Variants in LIN9 observed in about 807,000 individuals in gnomAD.
LIN9 encodes lin-9 DREAM MuvB core complex component.
In LIN9, 18 loss-of-function variants were observed where a neutral mutation model predicts 78.0. That is an observed-to-expected ratio of 0.23 (90% CI 0.16 to 0.34). LIN9 has a LOEUF of 0.34. Among genes scored for constraint, LIN9 ranks in the 10% least tolerant of loss-of-function variants. The probability of loss-of-function intolerance (pLI) is 1.00; values close to 1 mark genes in which losing one functional copy is unlikely to be tolerated. For synonymous variants in LIN9, 192 were observed against 215.2 expected (o/e 0.89, Z 0.94); for missense variants, 451 against 644.1 (o/e 0.70, Z 3.25).
chr1:226,274,692 T>C (rs1660524014), intron 7 of LIN9, among the ~76,000 whole-genome samples: 1 of 152,130 alleles, frequency 6.6e-6, no homozygotes, highest in Admixed American at 6.5e-5. Context: ...CTACCTGTTT[T>C]CATACTTGGA....
chr1:226,295,049 C>T (rs1467234759), intron 4 of LIN9, among the ~76,000 whole-genome samples: 6 of 151,988 alleles, frequency 3.9e-5, no homozygotes, highest in Non-Finnish European at 7.4e-5. Context: ...GATGCACTCA[C>T]CTTGGCTTTC....
At position 226,260,628 on chromosome 1, in the gene LIN9, GTTTTTTT is replaced by G. The variant is rs559460640; in HGVS notation, c.1038+4898_1038+4904del. On this transcript the variant is annotated intron_variant, in intron 10 of 14. Transcript: ENST00000681046. ...AGAATTTAAGATCACGGCCAAATGA[GTTTTTTT>G]TTTTTTTTTTTTTTTTTTTTTTTTT... is the stretch of plus-strand genomic sequence containing the variant. Among the ~76,000 whole-genome samples, 235 of 73,372 alleles carry G rather than the reference GTTTTTTT, an allele frequency of 3.2e-3. 10 individuals are homozygous for G. The highest frequency in any genetic ancestry group is 0.01 in the Middle Eastern group (1 of 98). The allele number at this position is 73,372 out of a possible 152,430, so 48.1% of individuals were successfully genotyped here.
At chr1:226,299,274 T>G (rs1030858859) in intron 2 of LIN9, among the ~76,000 whole-genome samples, 4 of 151,276 alleles carry the variant, frequency 2.6e-5, no homozygotes, top group African/African-American at 9.7e-5. Context: ...GAGGCCAAAG[T>G]GGGAGGATCA....
In LIN9 at chr1:226,232,677, C is replaced by T. The variant is rs566356400; in HGVS notation, c.1524-71G>A. On this transcript the variant is annotated intron_variant, in intron 14 of 14. Coordinates refer to ENST00000681046, the MANE Select transcript of LIN9 (RefSeq NM_001366245.2). ...AAGAAAAAAATTTTTAAAAGAAGAC[C>T]TGAATTTTAGTTAGGAAACAGCTAT... is the stretch of plus-strand genomic sequence containing the variant. The T allele has an allele frequency of 3.0e-5, 26 of 860,264 alleles. No individual in the cohort carries two copies. The African/African-American group carries it at 3.5e-4, about 11-fold the overall frequency. 53.3% of individuals were successfully genotyped at this position (860,264 alleles called of 1,614,324 possible).
At chr1:226,257,297 C>T (rs1006681570) in intron 10 of LIN9, among the ~76,000 whole-genome samples, 2 of 152,022 alleles carry the variant, frequency 1.3e-5, no homozygotes, top group African/African-American at 4.8e-5. Flanking sequence ...TTTTATATGT[C>T]AGAAACTCAG....
At position 226,238,953 on chromosome 1, in the gene LIN9, T is replaced by C. The variant is rs1215164629; in HGVS notation, c.1245+18A>G. On this transcript the variant is annotated intron_variant, in intron 12 of 14. Coordinates refer to ENST00000681046, the MANE Select transcript of LIN9 (RefSeq NM_001366245.2). The stretch of plus-strand genomic sequence containing the variant: ...CTTCAAATACAAATATGGAGGGAAA[T>C]CTATACATATCACTTACCTCATAGC... 1.9e-6 allele frequency: 3 copies of C among 1,601,062 alleles called. No individual in the cohort carries two copies. The highest frequency in any genetic ancestry group is 1.3e-5 in the African/African-American group (1 of 74,306).
chr1:226,284,679 AC>A (rs1352119931), intron 6 of LIN9, among the ~76,000 whole-genome samples: 1 of 152,050 alleles, frequency 6.6e-6, no homozygotes, highest in African/African-American at 2.4e-5. Context: ...AGCCGAGATC[AC>A]GCCACTGCAC....
At chr1:226,268,535 G>C (rs897387016) in intron 7 of LIN9, among the ~76,000 whole-genome samples, 5 of 152,176 alleles carry the variant, frequency 3.3e-5, no homozygotes, top group East Asian at 1.9e-4. Flanking sequence ...CCTTTGTCTG[G>C]TATCTGGGAA....
At chr1:226,266,118 C>T in intron 9 of LIN9, 95 bp downstream of exon 9, 2 of 706,818 alleles carry the variant, frequency 2.8e-6, no homozygotes, top group Non-Finnish European at 4.2e-6. Flanking sequence ...AGTGTGCATA[C>T]TTTGAAGTTG....
chr1:226,237,423 G>A (rs930148302), intron 12 of LIN9, among the ~76,000 whole-genome samples: 4 of 151,284 alleles, frequency 2.6e-5, no homozygotes, highest in Non-Finnish European at 3.0e-5. Context: ...ACCTGAGGTC[G>A]GGAGTTTGAG....
At chr1:226,254,867 T>A (rs1360980453) in intron 10 of LIN9, among the ~76,000 whole-genome samples, 1 of 140,866 alleles carries the variant, frequency 7.1e-6, no homozygotes, top group East Asian at 2.1e-4. Flanking sequence ...GCTGAGATCG[T>A]GCCACTACAC....
intron 10 of LIN9, among the ~76,000 whole-genome samples, chr1:226,260,770 G>A (rs866301201): frequency 3.3e-5 from 5 of 149,288 alleles, no homozygotes; most frequent in South Asian, 2.1e-4. Context: ...TCAGCCTCCC[G>A]AGTAACTGGG....
chr1:226,245,563 T>C (rs1233668113), intron 11 of LIN9, among the ~76,000 whole-genome samples: 1 of 152,034 alleles, frequency 6.6e-6, no homozygotes, highest in Non-Finnish European at 1.5e-5. Flanking sequence ...GCTGGAACTA[T>C]ACCATGCCTG....
chr1:226,273,907 G>A (rs905321919), intron 7 of LIN9, among the ~76,000 whole-genome samples: 10 of 149,432 alleles, frequency 6.7e-5, no homozygotes, highest in Admixed American at 3.4e-4. Flanking sequence ...GCGCAATCTC[G>A]GCTCACTGCA....
At position 226,232,174 on chromosome 1, in the gene LIN9, G is replaced by T. The variant is rs900755819; in HGVS notation, c.*327C>A. ...AGCAGTTGTCTGCATGTGTTGCGGT[G>T]AATTCATGCACATTAAAAAAAATGG... On this transcript the variant is annotated 3_prime_UTR_variant, in exon 15 of 15. Transcript: ENST00000681046. 10 of 399,520 alleles carry T rather than the reference G, an allele frequency of 2.5e-5. No homozygotes were observed. The highest frequency in any genetic ancestry group is 4.4e-5 in the Non-Finnish European group (10 of 226,652). 24.7% of individuals were successfully genotyped at this position (399,520 alleles called of 1,614,324 possible). A position where few individuals can be genotyped will look rare whatever the true frequency, so the allele number is the denominator to read the frequency against.
chr1:226,258,834 T>G (rs1401082627), intron 10 of LIN9, among the ~76,000 whole-genome samples: 1 of 123,438 alleles, frequency 8.1e-6, no homozygotes, highest in Non-Finnish European at 1.6e-5. Flanking sequence ...GAGCTTGCAG[T>G]GAGCCGAGAT....
chr1:226,303,081 T>C (rs1662666564), intron 1 of LIN9, among the ~76,000 whole-genome samples: 1 of 152,174 alleles, frequency 6.6e-6, no homozygotes, highest in African/African-American at 2.4e-5. Context: ...TGGGGGTGAA[T>C]GACATAAAAT....
At chr1:226,250,257 A>G (rs1170606131) in intron 11 of LIN9, among the ~76,000 whole-genome samples, 1 of 152,158 alleles carries the variant, frequency 6.6e-6, no homozygotes, top group African/African-American at 2.4e-5. Context: ...AAATTAGGAT[A>G]TAAACGTTGT....
chr1:226,272,766 C>T (rs1660384151), intron 7 of LIN9, among the ~76,000 whole-genome samples: 2 of 152,022 alleles, frequency 1.3e-5, no homozygotes, highest in Admixed American at 6.6e-5. Context: ...AAGGCTAAGC[C>T]GTCACAGCTG....
Sources: gnomAD v4.1 joint callset for allele counts (sites outside exome capture counted in the v4.1 genomes callset) on GRCh38, gnomAD v4.1.1 for gene constraint, MANE v1.5 for transcripts, NCBI Gene and HGNC (gene_info 2026-07-23, HGNC 2026-07-21) for gene names.